The following PHC3 variants were observed in gnomAD, a reference collection of about 807,000 sequenced individuals.
The protein encoded by PHC3 is polyhomeotic homolog 3.
PHC3 carries 13 observed loss-of-function variants against 107.4 expected under a neutral mutation model. That is an observed-to-expected ratio of 0.12 (90% confidence interval 0.08 to 0.19). The LOEUF (loss-of-function observed/expected upper bound fraction) is 0.19. PHC3 is among the 10% of genes least tolerant of loss of function. The pLI, the probability that PHC3 is intolerant of heterozygous loss-of-function variation, is 1.00. For synonymous variants in PHC3, 456 were observed against 427.4 expected (o/e 1.07, Z -0.83); for missense variants, 992 against 1,210.9 (o/e 0.82, Z 2.68).
At chr3:170,167,137 T>C (rs534096268) in intron 4 of PHC3, among the ~76,000 whole-genome samples, 3 of 152,270 alleles carry the variant, frequency 2.0e-5, no homozygotes, top group Non-Finnish European at 4.4e-5. Flanking sequence ...CAGTACTTCA[T>C]TGTTATTTGT....
intron 2 of PHC3, chr3:170,176,989 A>G: frequency 7.5e-6 from 3 of 397,374 alleles, no homozygotes; most frequent in Admixed American, 6.0e-5. Context: ...TGCCCTTTTT[A>G]TATAATACCA....
At chr3:170,171,573 T>G in intron 3 of PHC3, 123 bp from the exon 4 acceptor site, 1 of 654,980 alleles carries the variant, frequency 1.5e-6, no homozygotes, top group Non-Finnish European at 2.5e-6. Context: ...ACAACTAATT[T>G]TATAGTCAAC....
intron 8 of PHC3, among the ~76,000 whole-genome samples, chr3:170,123,083 C>G (rs573095538): frequency 2.6e-5 from 4 of 152,074 alleles, no homozygotes; most frequent in Non-Finnish European, 4.4e-5. Context: ...TTTTTGTTAA[C>G]TTCTAACTGT....
At chr3:170,178,570 G>C (rs548433515) in intron 2 of PHC3, among the ~76,000 whole-genome samples, 1 of 152,220 alleles carries the variant, frequency 6.6e-6, no homozygotes, top group Non-Finnish European at 1.5e-5. Context: ...TTCCAGAAAT[G>C]TAAGAAATAA....
rs1714186153 is a variant in PHC3 at position 170,092,294 on chromosome 3, C to T, written c.*4936G>A. 6.6e-6 allele frequency: 1 copy of T among 152,178 alleles called. No homozygotes were observed. The highest frequency in any genetic ancestry group is 2.1e-4 in the South Asian group (1 of 4,832). 9.4% of individuals were successfully genotyped at this position (152,178 alleles called of 1,614,324 possible). On this transcript the variant is annotated 3_prime_UTR_variant, in exon 15 of 15. Coordinates refer to ENST00000495893, the MANE Select transcript of PHC3 (RefSeq NM_024947.4). ...GGATTACAGGTGTGAGCCACCATGC[C>T]CAGCCCCAAATAATTTCTTTTAAGA...
intron 4 of PHC3, among the ~76,000 whole-genome samples, chr3:170,166,102 T>C (rs190714451): frequency 6.6e-6 from 1 of 152,124 alleles, no homozygotes; most frequent in East Asian, 1.9e-4. Flanking sequence ...TGGAGTGCAG[T>C]GGTGTGATCT....
chr3:170,147,458 T>C (rs1214052214), intron 5 of PHC3: 1 of 152,210 alleles, frequency 6.6e-6, no homozygotes, highest in Non-Finnish European at 1.5e-5. Flanking sequence ...TCCATACCTA[T>C]GGAAGGCTCT....
At position 170,102,904 on chromosome 3, in the gene PHC3, T is replaced by C; in HGVS notation, c.2499A>G (p.Ala833=). The change falls in exon 13 of 15, where the codon GCA becomes GCG. Residue 833 remains alanine, a synonymous_variant. Transcript: ENST00000495893. Reference sequence around the variant, plus strand: ...CAGGCTTACGATTCCAACGACTAAGTGCAAATTTTTTAGAACAGCTAACAT... The same window carrying C: ...CAGGCTTACGATTCCAACGACTAAGCGCAAATTTTTTAGAACAGCTAACAT... ...RYNVSCSKKF[A]LSRWNRKPDN... 1 of 1,613,304 alleles carries C rather than the reference T, an allele frequency of 6.2e-7. No individual in the cohort carries two copies. Among genetic ancestry groups the C allele is most frequent in the South Asian group, 1.1e-5 (1 of 91,046 alleles).
intron 4 of PHC3, among the ~76,000 whole-genome samples, chr3:170,165,753 C>CAAAAAAAA (rs1201987701): frequency 7.3e-5 from 3 of 41,114 alleles, no homozygotes; most frequent in Non-Finnish European, 9.2e-5. Flanking sequence ...GACCTTGTCT[C>CAAAAAAAA]AAAAAAAAAA....
intron 2 of PHC3, 57 bp downstream of exon 2, chr3:170,178,716 G>C: frequency 6.4e-7 from 1 of 1,565,358 alleles, no homozygotes; most frequent in Non-Finnish European, 8.8e-7. Flanking sequence ...TCCAGCTTAA[G>C]CAAAAAGTAA....
At position 170,091,802 on chromosome 3, in the gene PHC3, C is replaced by CA. The variant is rs1714118439; in HGVS notation, c.*5427dup. 1.3e-5 allele frequency: 2 copies of CA among 151,634 alleles called. No homozygotes were observed. Among genetic ancestry groups the CA allele is most frequent in the South Asian group, 4.2e-4 (2 of 4,802 alleles). 9.4% of individuals were successfully genotyped at this position (151,634 alleles called of 1,614,324 possible). A position where few individuals can be genotyped will look rare whatever the true frequency, so the allele number is the denominator to read the frequency against. On this transcript the variant is annotated 3_prime_UTR_variant, in exon 15 of 15. Transcript: ENST00000495893. The stretch of plus-strand genomic sequence containing the variant: ...TTCAAAAAAAAGCTTTCTCATAGTA[C>CA]AATTTTAAAACGGATTAGGTTCTAA...
At chr3:170,149,612 G>A (rs1225786734) in intron 4 of PHC3, among the ~76,000 whole-genome samples, 1 of 151,976 alleles carries the variant, frequency 6.6e-6, no homozygotes, top group Non-Finnish European at 1.5e-5. Flanking sequence ...ACGCCACCAC[G>A]CCCGGCTAAT....
chr3:170,144,384 C>T (rs2108557837), intron 6 of PHC3, among the ~76,000 whole-genome samples: 1 of 151,662 alleles, frequency 6.6e-6, no homozygotes, highest in South Asian at 2.1e-4. Flanking sequence ...TTTATCCACT[C>T]AGCAGCTAAA....
At chr3:170,176,218 T>C (rs149772909) in intron 2 of PHC3, among the ~76,000 whole-genome samples, 1,754 of 132,368 alleles carry the variant, frequency 0.013, 43 homozygotes, top group African/African-American at 0.047. Flanking sequence ...AGAGCGAGAC[T>C]CGGTCTCAAA....
intron 7 of PHC3, among the ~76,000 whole-genome samples, chr3:170,130,256 A>G (rs982623388): frequency 3.3e-5 from 5 of 152,168 alleles, no homozygotes; most frequent in East Asian, 1.9e-4. Flanking sequence ...TAACTTCAAA[A>G]TCATAAAAAT....
At chr3:170,153,444 G>C (rs552553880) in intron 4 of PHC3, among the ~76,000 whole-genome samples, 1 of 152,088 alleles carries the variant, frequency 6.6e-6, no homozygotes, top group Non-Finnish European at 1.5e-5. Context: ...ATCTTTCCCT[G>C]ATTATTAATA....
intron 10 of PHC3, among the ~76,000 whole-genome samples, chr3:170,115,519 A>G (rs1241383410): frequency 6.6e-6 from 1 of 152,202 alleles, no homozygotes; most frequent in South Asian, 2.1e-4. Context: ...ATATATAGAC[A>G]TAAACATATT....
intron 9 of PHC3, among the ~76,000 whole-genome samples, chr3:170,122,370 A>C (rs1306082928): frequency 1.3e-5 from 2 of 152,216 alleles, no homozygotes; most frequent in Non-Finnish European, 2.9e-5. Context: ...TTGCAAGGCC[A>C]AGGCAGTAAA....
chr3:170,101,798 G>C (rs1715523729), intron 14 of PHC3, among the ~76,000 whole-genome samples: 1 of 152,070 alleles, frequency 6.6e-6, no homozygotes, highest in Admixed American at 6.6e-5. Context: ...AAAAAAGATA[G>C]AGACTTAAGG....
Sources: gnomAD v4.1 joint callset for allele counts (sites outside exome capture counted in the v4.1 genomes callset) on GRCh38, gnomAD v4.1.1 for gene constraint, MANE v1.5 for transcripts, NCBI Gene and HGNC (gene_info 2026-07-23, HGNC 2026-07-21) for gene names.